The following CDKAL1 variants were observed in gnomAD, a reference collection of about 807,000 sequenced individuals.
CDKAL1 encodes threonylcarbamoyladenosine tRNA methylthiotransferase.
A neutral mutation model predicts 68.2 loss-of-function variants in CDKAL1; 32 were observed. That is an observed-to-expected ratio of 0.47 (90% CI 0.35 to 0.63). The LOEUF (loss-of-function observed/expected upper bound fraction) is 0.63. CDKAL1 is among the 30% of genes least tolerant of loss of function. The pLI, the probability that CDKAL1 is intolerant of heterozygous loss-of-function variation, is 0.00. For synonymous variants in CDKAL1, 234 were observed against 244.3 expected (o/e 0.96, Z 0.39); for missense variants, 606 against 696.7 (o/e 0.87, Z 1.47).
intron 4 of CDKAL1, among the ~76,000 whole-genome samples, chr6:20,595,137 C>T (rs746906226): frequency 2.0e-5 from 3 of 152,048 alleles, no homozygotes; most frequent in Admixed American, 6.5e-5. Flanking sequence ...GTGAATCTGA[C>T]GATTATGTGT....
At chr6:20,956,454 A>G (rs1275265303) in intron 10 of CDKAL1, among the ~76,000 whole-genome samples, 1 of 152,232 alleles carries the variant, frequency 6.6e-6, no homozygotes, top group Non-Finnish European at 1.5e-5. Context: ...CTATTTGAGA[A>G]ATAAAATAAT....
chr6:20,787,651 GCAAC>G (rs1375801019), intron 8 of CDKAL1, among the ~76,000 whole-genome samples: 1 of 152,176 alleles, frequency 6.6e-6, no homozygotes, highest in East Asian at 1.9e-4. Context: ...ACATCCTCAG[GCAAC>G]CAGAATTCCT....
intron 13 of CDKAL1, among the ~76,000 whole-genome samples, chr6:21,155,217 A>C (rs1776590041): frequency 6.6e-6 from 1 of 151,958 alleles, no homozygotes; most frequent in African/African-American, 2.4e-5. Context: ...TAAAATGTTT[A>C]GAACATATTT....
chr6:20,963,800 C>T (rs1765169947), intron 10 of CDKAL1, among the ~76,000 whole-genome samples: 1 of 152,126 alleles, frequency 6.6e-6, no homozygotes. Flanking sequence ...ATGTGCTTCA[C>T]TGGTATTCTC....
At position 20,592,896 on chromosome 6, in the gene CDKAL1, C is replaced by T. The variant is rs1050777265; in HGVS notation, c.286+44191C>T. ...AGCATGAAGGGGTGTTGAATTTTATCGAAGGCCTTTTCTGCATCTATTGAG... is the reference window on the plus strand; with the variant it reads ...AGCATGAAGGGGTGTTGAATTTTATTGAAGGCCTTTTCTGCATCTATTGAG... On this transcript the variant is annotated intron_variant, in intron 4 of 15. Coordinates refer to ENST00000274695, the MANE Select transcript of CDKAL1 (RefSeq NM_017774.3). Among the ~76,000 whole-genome samples, 16 of 152,220 alleles carry T rather than the reference C, an allele frequency of 1.1e-4. 1 individual carries two copies. Among genetic ancestry groups the T allele is most frequent in the South Asian group, 2.1e-4 (1 of 4,816 alleles).
chr6:20,699,327 C>T (rs1460554435), intron 5 of CDKAL1, among the ~76,000 whole-genome samples: 1 of 151,746 alleles, frequency 6.6e-6, no homozygotes, highest in Non-Finnish European at 1.5e-5. Context: ...GATAATTAAT[C>T]AGATTCATGT....
At chr6:21,152,701 T>G (rs1331930707) in intron 13 of CDKAL1, among the ~76,000 whole-genome samples, 1 of 152,258 alleles carries the variant, frequency 6.6e-6, no homozygotes, top group Non-Finnish European at 1.5e-5. Context: ...AACTGTAATA[T>G]CCTCAATGCA....
chr6:20,557,083 AAATG>A (rs1318617504), intron 4 of CDKAL1, among the ~76,000 whole-genome samples: 1 of 150,114 alleles, frequency 6.7e-6, no homozygotes, highest in Non-Finnish European at 1.5e-5. Context: ...ATAAATAAAT[AAATG>A]AAAAATAAAT....
intron 15 of CDKAL1, among the ~76,000 whole-genome samples, chr6:21,223,753 C>T (rs1779622209): frequency 6.6e-6 from 1 of 152,230 alleles, no homozygotes; most frequent in Admixed American, 6.5e-5. Context: ...CCCTCGGAGT[C>T]TTGTCTCTTG....
chr6:21,061,753 G>A (rs1238399559), intron 11 of CDKAL1, among the ~76,000 whole-genome samples: 3 of 152,136 alleles, frequency 2.0e-5, no homozygotes, highest in Non-Finnish European at 4.4e-5. Context: ...TTTCAAGAAT[G>A]TAAGTAGGAT....
chr6:20,915,502 GCCCACCCACATTT>G (rs1339790357), intron 9 of CDKAL1, among the ~76,000 whole-genome samples: 1 of 152,210 alleles, frequency 6.6e-6, no homozygotes, highest in East Asian at 1.9e-4. Flanking sequence ...ATTGAAAGAG[GCCCACCCACATTT>G]TGGGGGATAA....
At chr6:20,678,935 A>G (rs1173130573) in intron 5 of CDKAL1, among the ~76,000 whole-genome samples, 1 of 152,064 alleles carries the variant, frequency 6.6e-6, no homozygotes, top group African/African-American at 2.4e-5. Context: ...GGTCTTCCTC[A>G]TACCCAGTCT....
intron 9 of CDKAL1, among the ~76,000 whole-genome samples, chr6:20,861,994 T>A (rs1284728035): frequency 1.3e-5 from 2 of 152,230 alleles, no homozygotes; most frequent in East Asian, 3.8e-4. Context: ...TTATTTTTTG[T>A]ATGATGTGTT....
chr6:20,805,774 A>T (rs9460559), intron 8 of CDKAL1, among the ~76,000 whole-genome samples: 43,425 of 152,122 alleles, frequency 0.29, 6,732 homozygotes, highest in East Asian at 0.53. Flanking sequence ...TCTGATTGGC[A>T]CATTTGTTAC....
chr6:20,751,099 C>T (rs1388994667), intron 6 of CDKAL1, among the ~76,000 whole-genome samples: 1 of 151,480 alleles, frequency 6.6e-6, no homozygotes, highest in Non-Finnish European at 1.5e-5. Context: ...GAAATGTTAG[C>T]TGTCACTGTG....
intron 9 of CDKAL1, among the ~76,000 whole-genome samples, chr6:20,875,245 G>C (rs1012184396): frequency 1.4e-5 from 2 of 146,524 alleles, no homozygotes; most frequent in Non-Finnish European, 3.0e-5. Context: ...CTTGCAGTGA[G>C]CCGAGATTGC....
chr6:20,758,105 G>T (rs1399826404), intron 6 of CDKAL1, among the ~76,000 whole-genome samples: 1 of 152,046 alleles, frequency 6.6e-6, no homozygotes, highest in East Asian at 1.9e-4. Flanking sequence ...GTATTTCATG[G>T]ACCTGAGTAC....
At chr6:21,148,209 A>G (rs1776268249) in intron 13 of CDKAL1, among the ~76,000 whole-genome samples, 1 of 152,192 alleles carries the variant, frequency 6.6e-6, no homozygotes, top group African/African-American at 2.4e-5. Flanking sequence ...GCGGGATGGG[A>G]AGGCAGACAG....
chr6:21,071,944 T>C (rs1318335657), intron 12 of CDKAL1, among the ~76,000 whole-genome samples: 1 of 152,182 alleles, frequency 6.6e-6, no homozygotes, highest in African/African-American at 2.4e-5. Context: ...TTCCATAGTG[T>C]GAATACTTCC....
Sources: allele counts gnomAD v4.1 joint callset (sites outside exome capture counted in the v4.1 genomes callset), GRCh38; gene constraint gnomAD v4.1.1; transcripts MANE v1.5; gene names NCBI Gene and HGNC (gene_info 2026-07-23, HGNC 2026-07-21).